RYR3: variants seen among roughly 807,000 people sequenced by gnomAD.
RYR3 encodes the protein ryanodine receptor 3, also known as brain ryanodine receptor-calcium release channel.
Under a neutral mutation model 584.3 loss-of-function variants are expected in RYR3, and 207 were observed. The ratio of observed to expected loss-of-function variants is 0.35; its 90% CI spans 0.32 to 0.40. The LOEUF is 0.40. RYR3 is among the 10% of genes least tolerant of loss of function. The pLI, the probability that RYR3 is intolerant of heterozygous loss-of-function variation, is 1.00. For synonymous variants in RYR3, 2,416 were observed against 2,248.5 expected, an observed-to-expected ratio of 1.07 and a Z score of -2.11; for missense variants, 5,616 against 6,089.2, an observed-to-expected ratio of 0.92 and a Z score of 2.59.
intron 40 of RYR3, 77 bp downstream of exon 40, chr15:33,698,073 G>GTCAGA: frequency 2.1e-6 from 2 of 973,530 alleles, no homozygotes; most frequent in South Asian, 2.6e-5. Context: ...AGAGCCACGT[G>GTCAGA]GCTGGTGTCC....
chr15:33,369,043 C>T (rs1488624769), intron 1 of RYR3, among the ~76,000 whole-genome samples: 2 of 152,272 alleles, frequency 1.3e-5, no homozygotes, highest in South Asian at 2.1e-4. Flanking sequence ...TCTGCTCAAT[C>T]GTGACATATA....
At chr15:33,639,177 T>C (rs2061662055) in intron 27 of RYR3, among the ~76,000 whole-genome samples, 2 of 152,202 alleles carry the variant, frequency 1.3e-5, no homozygotes, top group African/African-American at 2.4e-5. Flanking sequence ...ATGAAAGTGA[T>C]GTCCCATAGG....
At chr15:33,322,570 C>T (rs895626088) in intron 1 of RYR3, among the ~76,000 whole-genome samples, 3 of 152,106 alleles carry the variant, frequency 2.0e-5, no homozygotes, top group African/African-American at 7.2e-5. Context: ...ATAGAGAGCC[C>T]ACTATTCTAA....
rs371664686 is a variant in RYR3 at position 33,659,559 on chromosome 15, G to A, written c.4309-161G>A. Among the ~76,000 whole-genome samples the A allele has an allele frequency of 2.7e-4, 41 of 152,346 alleles. No homozygotes were observed. In the South Asian group the frequency reaches 4.1e-3, roughly 15 times the overall value. On this transcript the variant is annotated intron_variant, in intron 32 of 103. Coordinates refer to ENST00000634891, the MANE Select transcript of RYR3 (RefSeq NM_001036.6). ...AAGGTGTGGAATTGTGACAATCTCC[G>A]CTGATAGATAACTGGTCTCTGCGAA...
At chr15:33,616,103 A>G (rs947130639) in intron 19 of RYR3, among the ~76,000 whole-genome samples, 4 of 152,134 alleles carry the variant, frequency 2.6e-5, no homozygotes, top group African/African-American at 9.7e-5. Flanking sequence ...TATTTTGCCC[A>G]TGTCCACTCA....
intron 31 of RYR3, among the ~76,000 whole-genome samples, chr15:33,649,500 CAG>C (rs2062329795): frequency 6.6e-6 from 1 of 152,210 alleles, no homozygotes; most frequent in Non-Finnish European, 1.5e-5. Flanking sequence ...TGATCTCTCT[CAG>C]AGTTTTTTTC....
rs1025674164 is a variant in RYR3 at position 33,490,891 on chromosome 15, A to G, written c.172-12740A>G. Among the ~76,000 whole-genome samples the G allele has an allele frequency of 6.6e-5, 10 of 152,234 alleles. 1 individual carries two copies. The highest frequency in any genetic ancestry group is 2.6e-4 in the Admixed American group (4 of 15,288). ...ATTTCCTTGGCAAATTGTGTCAAGA[A>G]TGCTTCTCCATAAAGATAAGCCTGG... On this transcript the variant is annotated intron_variant, in intron 2 of 103. Coordinates refer to ENST00000634891, the MANE Select transcript of RYR3 (RefSeq NM_001036.6).
intron 94 of RYR3, chr15:33,852,099 CTTA>C (rs2079168000): frequency 7.5e-6 from 1 of 134,116 alleles, no homozygotes; most frequent in Admixed American, 7.8e-5. Context: ...TCTCCATTTC[CTTA>C]TCACCAACTT....
At chr15:33,757,688 G>A in intron 60 of RYR3, 92 bp downstream of exon 60, 1 of 1,351,496 alleles carries the variant, frequency 7.4e-7, no homozygotes, top group Non-Finnish European at 1.0e-6. Context: ...GTCTTTTGGA[G>A]AAATGAAACT....
At position 33,806,189 on chromosome 15, in the gene RYR3, C is replaced by T. The variant is rs1028579572; in HGVS notation, c.10012-1366C>T. On this transcript the variant is annotated intron_variant, in intron 69 of 103. Coordinates refer to ENST00000634891, the MANE Select transcript of RYR3 (RefSeq NM_001036.6). ...ACACCAGCTCTCCCTGTGCTGTCCC[C>T]TTGTGATGTGTCCTCAAAGTCACTC... 3.3e-5 allele frequency among the ~76,000 whole-genome samples: 5 copies of T among 152,252 alleles called. No homozygotes were observed. In the South Asian group the frequency reaches 1.0e-3, roughly 32 times the overall value.
chr15:33,677,036 GC>G lies in RYR3; in HGVS notation c.5860+6481del, dbSNP rs1186988988. ...TCGTTTGATTTTATTCTCGCAACAA[GC>G]AACCAAGTATAGTGACCTCTAGGCT... is the stretch of plus-strand genomic sequence containing the variant. On this transcript the variant is annotated intron_variant, in intron 38 of 103. Coordinates refer to ENST00000634891, the MANE Select transcript of RYR3 (RefSeq NM_001036.6). Among the ~76,000 whole-genome samples the G allele has an allele frequency of 3.3e-5, 5 of 152,278 alleles. No homozygotes were observed. The South Asian group carries it at 6.2e-4, about 19-fold the overall frequency.
At chr15:33,701,334 G>C (rs1476641917) in intron 42 of RYR3, among the ~76,000 whole-genome samples, 1 of 152,204 alleles carries the variant, frequency 6.6e-6, no homozygotes, top group African/African-American at 2.4e-5. Flanking sequence ...GCCCAGCCTC[G>C]TTGGTCTACA....
intron 19 of RYR3, among the ~76,000 whole-genome samples, chr15:33,622,458 CCTTA>C (rs1193666982): frequency 2.0e-5 from 3 of 152,176 alleles, no homozygotes; most frequent in East Asian, 1.9e-4. Flanking sequence ...GCAGCCAACC[CCTTA>C]CTTGAGTGAT....
At chr15:33,673,257 G>A (rs972436978) in intron 38 of RYR3, among the ~76,000 whole-genome samples, 16 of 152,236 alleles carry the variant, frequency 1.1e-4, no homozygotes, top group Non-Finnish European at 2.2e-4. Flanking sequence ...CAGATAAGGT[G>A]GTGGTGGGCT....
chr15:33,315,463 T>C (rs1968031098), intron 1 of RYR3, among the ~76,000 whole-genome samples: 2 of 152,184 alleles, frequency 1.3e-5, no homozygotes, highest in Middle Eastern at 3.2e-3. Context: ...TACCCAGACA[T>C]GCAGTGTGAG....
At chr15:33,530,779 C>T (rs1041474194) in intron 4 of RYR3, 113 bp downstream of exon 4, 1 of 757,510 alleles carries the variant, frequency 1.3e-6, no homozygotes, top group South Asian at 1.6e-5. Flanking sequence ...TGGAACATAA[C>T]TAATTTTAGC....
intron 1 of RYR3, among the ~76,000 whole-genome samples, chr15:33,315,250 A>T (rs1426566404): frequency 6.6e-6 from 1 of 152,180 alleles, no homozygotes; most frequent in Non-Finnish European, 1.5e-5. Context: ...TTGTGTTGGA[A>T]TGACAGTGAA....
chr15:33,429,835 A>C (rs1431380916), intron 1 of RYR3, among the ~76,000 whole-genome samples: 3 of 152,252 alleles, frequency 2.0e-5, no homozygotes, highest in Admixed American at 1.3e-4. Flanking sequence ...CCTCTGTTAA[A>C]TATTGTATGA....
At chr15:33,540,230 A>G (rs1474554632) in intron 6 of RYR3, among the ~76,000 whole-genome samples, 1 of 152,134 alleles carries the variant, frequency 6.6e-6, no homozygotes, top group Non-Finnish European at 1.5e-5. Flanking sequence ...ATAGGAAAAT[A>G]AGTTTATGTT....
Sources: gnomAD v4.1 joint callset for allele counts (sites outside exome capture counted in the v4.1 genomes callset) on GRCh38, gnomAD v4.1.1 for gene constraint, MANE v1.5 for transcripts, NCBI Gene and HGNC (gene_info 2026-07-23, HGNC 2026-07-21) for gene names.